WNT7B: variants seen among roughly 807,000 people sequenced by gnomAD.
The protein encoded by WNT7B is protein Wnt-7b.
WNT7B carries 19 observed loss-of-function variants against 38.2 expected under a neutral mutation model. That is an observed-to-expected ratio of 0.50 (90% CI 0.35 to 0.73). WNT7B has a LOEUF of 0.73. Among genes scored for constraint, WNT7B ranks in the 30% least tolerant of loss-of-function variants. The pLI, the probability that WNT7B is intolerant of heterozygous loss-of-function variation, is 0.01. For synonymous variants in WNT7B, 243 were observed against 209.3 expected (o/e 1.16, Z -1.39); for missense variants, 423 against 507.9 (o/e 0.83, Z 1.61).
chr22:45,930,928 G>A (rs959696213), intron 3 of WNT7B, among the ~76,000 whole-genome samples, 170 bp downstream of exon 3: 1 of 152,152 alleles, frequency 6.6e-6, no homozygotes, highest in African/African-American at 2.4e-5. Context: ...CCTCCTCCCG[G>A]TGCTGGGAGG....
Position 45,951,361 on chromosome 22 carries a change from G to A in WNT7B, c.72-1215C>T, listed in dbSNP as rs954573612. Among the ~76,000 whole-genome samples the A allele has an allele frequency of 2.6e-5, 4 of 151,660 alleles. No individual in the cohort carries two copies. The highest frequency in any genetic ancestry group is 6.7e-5 in the Admixed American group (1 of 14,920). ...CAAAATGCTGGGATTACAGGTGTGA[G>A]CCACTGCACCCAGCCTTGTGTGTTT... is the stretch of plus-strand genomic sequence containing the variant. On this transcript the variant is annotated intron_variant, in intron 1 of 3. Transcript: ENST00000339464. This position sits in a 1 kb window ranked among gnomAD's most constrained non-coding sequence, Gnocchi z 4.8.
At chr22:45,942,601 G>A (rs1235687486) in intron 2 of WNT7B, among the ~76,000 whole-genome samples, 2 of 152,236 alleles carry the variant, frequency 1.3e-5, no homozygotes, top group Admixed American at 6.5e-5. Context: ...CGGGGCCAAG[G>A]TGCACTCTGG....
rs1311788229 is a variant in WNT7B, at chr22:45,977,103, G to A, written c.-349C>T. The stretch of plus-strand genomic sequence containing the variant: ...GGCGCAGCCGCCTGAGGCCGTGAGC[G>A]CCTCGCCGAGCGCCGCGGCGGCCAA... On this transcript the variant is annotated 5_prime_UTR_variant, in exon 1 of 4. Transcript: ENST00000339464. 7.3e-6 allele frequency: 6 copies of A among 818,794 alleles called. No homozygotes were observed. Among genetic ancestry groups the A allele is most frequent in the Non-Finnish European group, 8.8e-6 (6 of 677,974 alleles). 50.7% of individuals were successfully genotyped at this position (818,794 alleles called of 1,614,324 possible).
intron 1 of WNT7B, among the ~76,000 whole-genome samples, chr22:45,963,460 C>A (rs1025717776): frequency 6.6e-6 from 1 of 152,206 alleles, no homozygotes; most frequent in Non-Finnish European, 1.5e-5. Context: ...GGGGCCTTGA[C>A]TGAAGTGGCC....
At chr22:45,931,404 C>A in intron 2 of WNT7B, 35 bp from the exon 3 acceptor site, 1 of 1,546,278 alleles carries the variant, frequency 6.5e-7, no homozygotes, top group Non-Finnish European at 8.7e-7. Flanking sequence ...GGTGAGACCC[C>A]AGGCCCTGGG....
rs1930956879 is a variant in WNT7B at position 45,922,497 on chromosome 22, TCTC to T, written c.*356_*358del. On this transcript the variant is annotated 3_prime_UTR_variant, in exon 4 of 4. Coordinates refer to ENST00000339464, the MANE Select transcript of WNT7B (RefSeq NM_058238.3). ...GCCAGGTGGGGCTGGGGACGCTCAG[TCTC>T]CTCATCACTTTGCTCTCTGGGATAC... The T allele has an allele frequency of 8.6e-6, 2 of 232,534 alleles. No homozygotes were observed. Among genetic ancestry groups the T allele is most frequent in the African/African-American group, 2.2e-5 (1 of 44,458 alleles). The allele number at this position is 232,534 out of a possible 1,614,324, so 14.4% of individuals were successfully genotyped here.
At chr22:45,926,138 T>C (rs1931076900) in intron 3 of WNT7B, 4 of 985,426 alleles carry the variant, frequency 4.1e-6, no homozygotes, top group Non-Finnish European at 4.8e-6. Flanking sequence ...ACATCCTCGC[T>C]TGGCTGGATC....
At position 45,931,107 on chromosome 22, in the gene WNT7B, G is replaced by A. The variant is rs139882321; in HGVS notation, c.561C>T (p.Ala187=). The change falls in exon 3 of 4, where the codon GCC becomes GCT. Residue 187 remains alanine, a synonymous_variant. Transcript: ENST00000339464. ...CGCACCCGCACCCTACCTTCCTGCC[G>A]GCCTCATTGTTATGCAGGTTCATGA... is the stretch of plus-strand genomic sequence containing the variant. ...RRLMNLHNNE[A]GRKVLEDRMQ... 1.0e-4 allele frequency: 162 copies of A among 1,576,026 alleles called. No individual in the cohort carries two copies. Among genetic ancestry groups the A allele is most frequent in the Non-Finnish European group, 8.8e-5 (102 of 1,161,208 alleles).
intron 1 of WNT7B, among the ~76,000 whole-genome samples, chr22:45,967,061 AG>A (rs1462631799): frequency 1.3e-5 from 2 of 152,222 alleles, no homozygotes; most frequent in Non-Finnish European, 2.9e-5. Flanking sequence ...GAGGGGCCCC[AG>A]GCAGGCTGAG....
intron 1 of WNT7B, among the ~76,000 whole-genome samples, chr22:45,961,668 C>T (rs1932200168): frequency 6.6e-6 from 1 of 152,098 alleles, no homozygotes; most frequent in South Asian, 2.1e-4. Context: ...AGGGCTGACA[C>T]CCCCAGGGCC....
chr22:45,926,345 C>T (rs1030765353), intron 3 of WNT7B: 48 of 985,274 alleles, frequency 4.9e-5, no homozygotes, highest in Non-Finnish European at 5.4e-5. Flanking sequence ...CCGCAGGGGC[C>T]GCTCCTCCAG....
chr22:45,939,133 GGGGACCCCTGTATGCTGGT>G (rs1680731410), intron 2 of WNT7B, among the ~76,000 whole-genome samples: 1 of 152,192 alleles, frequency 6.6e-6, no homozygotes, highest in South Asian at 2.1e-4. Context: ...GTGGAGAAAT[GGGGACCCCTGTATGCTGGT>G]GGCAGTGTGA....
chr22:45,929,709 CACCCGTGA>C (rs1931250959), intron 3 of WNT7B, among the ~76,000 whole-genome samples: 1 of 147,374 alleles, frequency 6.8e-6, no homozygotes, highest in African/African-American at 2.6e-5. Context: ...TCTTTCCATC[CACCCGTGA>C]ATCCACTCAC....
chr22:45,968,391 C>T (rs1323140817), intron 1 of WNT7B, among the ~76,000 whole-genome samples: 2 of 152,040 alleles, frequency 1.3e-5, no homozygotes, highest in Non-Finnish European at 2.9e-5. Context: ...CCCACAGCCA[C>T]CCGGTGAGGT....
intron 1 of WNT7B, chr22:45,972,116 G>GGGGGGGGCCCCCCCCCCCCCCCCCCCC: frequency 1.9e-6 from 1 of 530,744 alleles, no homozygotes; most frequent in Non-Finnish European, 3.3e-6. Context: ...CCCGGGGGGA[G>GGGGGGGGCCCCCCCCCCCCCCCCCCCC]CCCACCCGCC....
At chr22:45,930,220 C>T (rs528377287) in intron 3 of WNT7B, among the ~76,000 whole-genome samples, 12 of 152,392 alleles carry the variant, frequency 7.9e-5, no homozygotes, top group Non-Finnish European at 1.2e-4. Flanking sequence ...CTCTCTGCCC[C>T]GTGCCCAGCC....
At chr22:45,930,965 A>C (rs765398416) in intron 3 of WNT7B, 133 bp downstream of exon 3, 67 of 1,271,962 alleles carry the variant, frequency 5.3e-5, no homozygotes, top group Non-Finnish European at 6.6e-5. Context: ...TGGAGGACCC[A>C]GACGGCCCCA....
intron 3 of WNT7B, chr22:45,926,065 G>C: frequency 1.0e-6 from 1 of 985,430 alleles, no homozygotes; most frequent in Non-Finnish European, 1.2e-6. Context: ...GCTCCCGCAG[G>C]GCCAGGCCCG....
intron 2 of WNT7B, 94 bp from the exon 3 acceptor site, chr22:45,931,463 T>G (rs966358905): frequency 2.9e-6 from 4 of 1,389,880 alleles, no homozygotes; most frequent in Middle Eastern, 5.2e-4. Flanking sequence ...CACCTGCTGT[T>G]GGCTGGTTGT....
Sources: gnomAD v4.1 joint callset for allele counts (sites outside exome capture counted in the v4.1 genomes callset) on GRCh38, gnomAD v4.1.1 for gene constraint, Gnocchi (gnomAD v3.1) non-coding constraint, MANE v1.5 for transcripts, NCBI Gene and HGNC (gene_info 2026-07-23, HGNC 2026-07-21) for gene names.